UNC79: variants seen among roughly 807,000 people sequenced by gnomAD.
UNC79 encodes the protein protein unc-79 homolog.
Under a neutral mutation model 283.1 loss-of-function variants are expected in UNC79, and 37 were observed. The ratio of observed to expected loss-of-function variants is 0.13; its 90% CI spans 0.10 to 0.17. The LOEUF is 0.17. Among genes scored for constraint, UNC79 ranks in the 10% least tolerant of loss-of-function variants. The pLI is 1.00. For missense variants in UNC79, 2,272 were observed against 3,211.1 expected (o/e 0.71, Z 7.07); for synonymous variants, 1,107 against 1,200.2 (o/e 0.92, Z 1.61).
intron 1 of UNC79, among the ~76,000 whole-genome samples, chr14:93,466,402 G>A (rs889701329): frequency 6.6e-6 from 1 of 152,226 alleles, no homozygotes; most frequent in African/African-American, 2.4e-5. Context: ...ATATTCTAGA[G>A]TGTGTCATAG....
chr14:93,387,658 A>C (rs549422780), intron 1 of UNC79, among the ~76,000 whole-genome samples: 1 of 152,252 alleles, frequency 6.6e-6, no homozygotes, highest in Non-Finnish European at 1.5e-5. Context: ...GTGAACTAAC[A>C]CATGGTCCTT....
intron 1 of UNC79, among the ~76,000 whole-genome samples, chr14:93,465,466 A>T (rs543909408): frequency 6.6e-6 from 1 of 152,328 alleles, no homozygotes; most frequent in South Asian, 2.1e-4. Flanking sequence ...GTAAGTACAC[A>T]GAGACAATGC....
intron 34 of UNC79, among the ~76,000 whole-genome samples, chr14:93,645,701 C>T (rs1310777736): frequency 6.6e-6 from 1 of 152,082 alleles, no homozygotes; most frequent in Non-Finnish European, 1.5e-5. Flanking sequence ...TACATGATCC[C>T]TTTCTGTAGG....
chr14:93,639,873 G>A (rs1345097126), intron 32 of UNC79, among the ~76,000 whole-genome samples: 2 of 152,126 alleles, frequency 1.3e-5, no homozygotes, highest in Admixed American at 1.3e-4. Context: ...TCTCCTATTT[G>A]AGGAAATCTT....
At position 93,693,535 on chromosome 14, in the gene UNC79, C is replaced by A. The variant is rs185902580; in HGVS notation, c.7471-800C>A. 2.7e-3 allele frequency among the ~76,000 whole-genome samples: 404 copies of A among 152,272 alleles called. 1 individual carries two copies. Among genetic ancestry groups the A allele is most frequent in the Middle Eastern group, 0.01 (3 of 294 alleles). On this transcript the variant is annotated intron_variant, in intron 46 of 48. Transcript: ENST00000555664. ...CATATAAGCCAGTCTGGTAAAATCT[C>A]CCTGGAATATTTAAAATCCAGCCAT...
chr14:93,362,413 A>G (rs562612190), intron 1 of UNC79, among the ~76,000 whole-genome samples: 1 of 152,142 alleles, frequency 6.6e-6, no homozygotes, highest in East Asian at 1.9e-4. Flanking sequence ...CAATGGCGCT[A>G]TCTTGGCTCA....
chr14:93,582,814 A>G (rs532311684), intron 20 of UNC79, among the ~76,000 whole-genome samples: 13 of 152,202 alleles, frequency 8.5e-5, no homozygotes, highest in African/African-American at 2.4e-4. Flanking sequence ...GGTGGACGCA[A>G]TGGGGGCAGT....
At chr14:93,680,501 A>G (rs1035103965) in intron 41 of UNC79, among the ~76,000 whole-genome samples, 1 of 152,208 alleles carries the variant, frequency 6.6e-6, no homozygotes, top group African/African-American at 2.4e-5. Context: ...TAAATAACTT[A>G]ATTAAAATTA....
At chr14:93,595,180 C>G (rs950375231) in intron 23 of UNC79, among the ~76,000 whole-genome samples, 10 of 151,578 alleles carry the variant, frequency 6.6e-5, no homozygotes, top group African/African-American at 2.4e-4. Context: ...ACCTCTGCCT[C>G]CCGGGTTTAA....
intron 30 of UNC79, among the ~76,000 whole-genome samples, chr14:93,630,459 T>C (rs2067936123): frequency 6.6e-6 from 1 of 152,238 alleles, no homozygotes; most frequent in Non-Finnish European, 1.5e-5. Flanking sequence ...AGGGATGAAC[T>C]ATTAAGCATA....
chr14:93,489,461 A>T (rs923163357), intron 5 of UNC79, among the ~76,000 whole-genome samples: 2 of 152,228 alleles, frequency 1.3e-5, no homozygotes, highest in African/African-American at 4.8e-5. Context: ...CTATGAAATC[A>T]AACAAGTTAT....
chr14:93,493,400 C>T (rs112508183), intron 5 of UNC79, among the ~76,000 whole-genome samples: 16 of 152,192 alleles, frequency 1.1e-4, no homozygotes, highest in Admixed American at 5.2e-4. Flanking sequence ...AGCTGCTGAA[C>T]GGCTTTGAGT....
intron 47 of UNC79, among the ~76,000 whole-genome samples, chr14:93,700,696 C>T (rs921921883): frequency 2.0e-5 from 3 of 152,168 alleles, no homozygotes; most frequent in Non-Finnish European, 4.4e-5. Context: ...CTGAGGCTAA[C>T]ATTTAAGCTT....
In UNC79 at chr14:93,660,487, C is replaced by T. The variant is rs568461324; in HGVS notation, c.6525+1226C>T. 3.6e-4 allele frequency among the ~76,000 whole-genome samples: 47 copies of T among 130,600 alleles called. 1 individual carries two copies. In the South Asian group the frequency reaches 0.011, roughly 31 times the overall value. The allele number at this position is 130,600 out of a possible 152,430, so 85.7% of individuals were successfully genotyped here. ...TGTGCAACATGAGACATTCCTATTC[C>T]TTTCATCTATTGACAATGTTTCAAG... On this transcript the variant is annotated intron_variant, in intron 39 of 48. Transcript: ENST00000555664.
intron 1 of UNC79, among the ~76,000 whole-genome samples, chr14:93,346,712 G>A (rs2053839763): frequency 6.6e-6 from 1 of 152,218 alleles, no homozygotes; most frequent in South Asian, 2.1e-4. Flanking sequence ...GGCATGTTAA[G>A]AGGTATATAA....
At chr14:93,442,181 A>G (rs1321023362) in intron 1 of UNC79, among the ~76,000 whole-genome samples, 2 of 152,062 alleles carry the variant, frequency 1.3e-5, no homozygotes, top group South Asian at 4.2e-4. Flanking sequence ...TTGTTGGGTC[A>G]TGCTGAAATG....
chr14:93,558,255 T>G (rs1384388191), intron 14 of UNC79, among the ~76,000 whole-genome samples: 4 of 152,158 alleles, frequency 2.6e-5, no homozygotes, highest in Non-Finnish European at 5.9e-5. Flanking sequence ...ATCTTTTTTC[T>G]CATTAATCAA....
chr14:93,340,616 G>C (rs1344463232), intron 1 of UNC79, among the ~76,000 whole-genome samples: 1 of 150,810 alleles, frequency 6.6e-6, no homozygotes, highest in East Asian at 1.9e-4. Flanking sequence ...TGTTTCCCAG[G>C]CTGGTGTGCA....
At chr14:93,554,656 G>C (rs1188052231) in intron 14 of UNC79, among the ~76,000 whole-genome samples, 1 of 152,042 alleles carries the variant, frequency 6.6e-6, no homozygotes, top group Non-Finnish European at 1.5e-5. Flanking sequence ...TTAATTTATG[G>C]AAAAACTAAA....
Sources: allele counts gnomAD v4.1 joint callset (sites outside exome capture counted in the v4.1 genomes callset), GRCh38; gene constraint gnomAD v4.1.1; transcripts MANE v1.5; gene names NCBI Gene and HGNC (gene_info 2026-07-23, HGNC 2026-07-21).